Variants in LRRC8B observed in about 807,000 individuals in gnomAD.
The protein encoded by LRRC8B is volume-regulated anion channel subunit LRRC8B.
LRRC8B carries 23 observed loss-of-function variants against 58.8 expected under a neutral mutation model. The ratio of observed to expected loss-of-function variants is 0.39; its 90% CI spans 0.28 to 0.55. The LOEUF (loss-of-function observed/expected upper bound fraction) is 0.55. Ranked by LOEUF, LRRC8B falls within the 20% of genes least tolerant of loss-of-function variation. The pLI is 0.62. For synonymous variants in LRRC8B, 359 were observed against 374.1 expected, an observed-to-expected ratio of 0.96 and a Z score of 0.47; for missense variants, 694 against 936.0, an observed-to-expected ratio of 0.74 and a Z score of 3.37.
intron 1 of LRRC8B, among the ~76,000 whole-genome samples, chr1:89,561,281 A>T (rs1652632085): frequency 1.4e-5 from 2 of 146,978 alleles, no homozygotes; most frequent in Non-Finnish European, 3.0e-5. Context: ...TAGATTCTGG[A>T]TATTAGCCCT....
At chr1:89,538,099 T>G (rs1421361949) in intron 1 of LRRC8B, among the ~76,000 whole-genome samples, 2 of 152,152 alleles carry the variant, frequency 1.3e-5, no homozygotes, top group Non-Finnish European at 2.9e-5. Context: ...GAAACTTCAC[T>G]CTGAAAGAGC....
At chr1:89,536,722 A>G (rs1650566600) in intron 1 of LRRC8B, among the ~76,000 whole-genome samples, 1 of 152,202 alleles carries the variant, frequency 6.6e-6, no homozygotes, top group South Asian at 2.1e-4. Context: ...GGTAGTATAC[A>G]ATCAGGGACA....
At chr1:89,577,472 T>G (rs1482788021) in intron 3 of LRRC8B, among the ~76,000 whole-genome samples, 3 of 152,172 alleles carry the variant, frequency 2.0e-5, no homozygotes, top group African/African-American at 7.2e-5. Context: ...TTGGATTGAT[T>G]TAGTGTGTTT....
intron 1 of LRRC8B, among the ~76,000 whole-genome samples, chr1:89,542,903 TG>T: frequency 6.6e-6 from 1 of 152,354 alleles, no homozygotes; most frequent in South Asian, 2.1e-4. Context: ...TCTTATGTAC[TG>T]GGGGGACCTA....
chr1:89,561,207 G>A (rs1332654681), intron 1 of LRRC8B, among the ~76,000 whole-genome samples: 4 of 151,462 alleles, frequency 2.6e-5, no homozygotes, highest in South Asian at 2.1e-4. Flanking sequence ...GTCTGTTCAT[G>A]TCCTTCGCCC....
At chr1:89,556,360 A>G (rs907057372) in intron 1 of LRRC8B, among the ~76,000 whole-genome samples, 1 of 152,116 alleles carries the variant, frequency 6.6e-6, no homozygotes, top group African/African-American at 2.4e-5. Context: ...TAATAAATCA[A>G]TAAAGGTAAG....
intron 1 of LRRC8B, among the ~76,000 whole-genome samples, chr1:89,567,427 C>A (rs1042160176): frequency 2.6e-5 from 4 of 152,136 alleles, no homozygotes; most frequent in Non-Finnish European, 4.4e-5. Flanking sequence ...TATATCTTCT[C>A]AGCAAAATAC....
chr1:89,575,507 T>TA (rs1371578355), intron 3 of LRRC8B, among the ~76,000 whole-genome samples: 1 of 151,970 alleles, frequency 6.6e-6, no homozygotes, highest in East Asian at 1.9e-4. Context: ...CACTATGAAG[T>TA]AAAAAAACCT....
intron 1 of LRRC8B, among the ~76,000 whole-genome samples, chr1:89,540,079 A>G (rs933693010): frequency 1.3e-5 from 2 of 152,184 alleles, no homozygotes; most frequent in Non-Finnish European, 2.9e-5. Flanking sequence ...ATTTCTGGAT[A>G]TCTTTAATCA....
In LRRC8B at chr1:89,595,768, C is replaced by T. The variant is rs1655253617; in HGVS notation, c.*2725C>T. 1 of 152,058 alleles carries T rather than the reference C, an allele frequency of 6.6e-6. No homozygotes were observed. Among genetic ancestry groups the T allele is most frequent in the Non-Finnish European group, 1.5e-5 (1 of 67,976 alleles). 9.4% of individuals were successfully genotyped at this position (152,058 alleles called of 1,614,324 possible). ...CATAAAAAATAGGGTGTTAATACCA[C>T]CTTTACTGTACTGTTGGAGCAGATC... On this transcript the variant is annotated 3_prime_UTR_variant, in exon 6 of 6. Transcript: ENST00000330947.
intron 1 of LRRC8B, among the ~76,000 whole-genome samples, chr1:89,565,684 G>C (rs1652991491): frequency 6.6e-6 from 1 of 152,266 alleles, no homozygotes; most frequent in South Asian, 2.1e-4. Flanking sequence ...CTAAATGGGT[G>C]GTGAAACCTG....
At chr1:89,556,697 A>G (rs964442598) in intron 1 of LRRC8B, among the ~76,000 whole-genome samples, 2 of 152,206 alleles carry the variant, frequency 1.3e-5, no homozygotes, top group African/African-American at 4.8e-5. Flanking sequence ...CTCCCTCTCC[A>G]GCTGAGGAGC....
intron 1 of LRRC8B, among the ~76,000 whole-genome samples, chr1:89,567,650 A>G (rs1343209587): frequency 6.6e-6 from 1 of 152,156 alleles, no homozygotes; most frequent in African/African-American, 2.4e-5. Flanking sequence ...ATTGGTATAA[A>G]CTTTCTGAGA....
intron 1 of LRRC8B, among the ~76,000 whole-genome samples, chr1:89,555,989 G>A (rs1652158851): frequency 6.6e-6 from 1 of 152,096 alleles, no homozygotes. Flanking sequence ...GTTCTAATGT[G>A]GTAACTCACT....
chr1:89,535,697 A>G (rs903837314), intron 1 of LRRC8B, among the ~76,000 whole-genome samples: 1 of 152,232 alleles, frequency 6.6e-6, no homozygotes, highest in African/African-American at 2.4e-5. Context: ...GACTAGATAC[A>G]AAAAGAACAT....
At position 89,582,768 on chromosome 1, in the gene LRRC8B, G is replaced by A. The variant is rs752843435; in HGVS notation, c.118G>A (p.Val40Met). Residue 40 changes from valine (V) to methionine (M), a missense_variant, in exon 5 of 6, where the codon GTG becomes ATG. Around this residue, in one of 5 missense-constraint regions of LRRC8B, gnomAD observed 316 missense variants for 403.8 expected, o/e 0.78. Coordinates refer to ENST00000330947, the MANE Select transcript of LRRC8B (RefSeq NM_001369817.2). ...YITLIMLLVA[V>M]LAGALQLTQS... ...CACACTGATCATGCTGCTGGTGGCC[G>A]TGCTGGCCGGAGCTCTCCAGCTGAC... 31 of 1,614,072 alleles carry A rather than the reference G, an allele frequency of 1.9e-5. No homozygotes were observed. Among genetic ancestry groups the A allele is most frequent in the East Asian group, 8.9e-5 (4 of 44,886 alleles).
At chr1:89,586,710 A>T (rs904221396) in intron 5 of LRRC8B, among the ~76,000 whole-genome samples, 2 of 152,220 alleles carry the variant, frequency 1.3e-5, no homozygotes, top group Non-Finnish European at 2.9e-5. Context: ...AATACTTTAT[A>T]ACCAAAATAG....
chr1:89,541,478 G>A (rs1051808906), intron 1 of LRRC8B, among the ~76,000 whole-genome samples: 6 of 151,744 alleles, frequency 4.0e-5, no homozygotes, highest in African/African-American at 1.2e-4. Context: ...TTGGGAGGCC[G>A]AGGCGGGCGG....
At chr1:89,573,893 G>A (rs1653643714) in intron 3 of LRRC8B, among the ~76,000 whole-genome samples, 1 of 152,184 alleles carries the variant, frequency 6.6e-6, no homozygotes, top group African/African-American at 2.4e-5. Flanking sequence ...ATCAAGAGGT[G>A]GAGTTGATAT....
Sources: gnomAD v4.1 joint callset for allele counts (sites outside exome capture counted in the v4.1 genomes callset) on GRCh38, gnomAD v4.1.1 for gene constraint, gnomAD v4.1.1 regional missense constraint, MANE v1.5 for transcripts, NCBI Gene and HGNC (gene_info 2026-07-23, HGNC 2026-07-21) for gene names.